The following ADGRL3 variants were observed in gnomAD, a reference collection of about 807,000 sequenced individuals.
ADGRL3 encodes the protein adhesion G protein-coupled receptor L3.
ADGRL3 carries 62 observed loss-of-function variants against 153.5 expected under a neutral mutation model. The ratio of observed to expected loss-of-function variants is 0.40; its 90% CI spans 0.33 to 0.50. The LOEUF is 0.50. Among genes scored for constraint, ADGRL3 ranks in the 20% least tolerant of loss-of-function variants. ADGRL3 has a pLI of 0.47. For synonymous variants in ADGRL3, 710 were observed against 672.5 expected, an observed-to-expected ratio of 1.06 and a Z score of -0.86; for missense variants, 1,641 against 1,859.4, an observed-to-expected ratio of 0.88 and a Z score of 2.16.
chr4:62,020,199 A>T (rs2099231620), intron 21 of ADGRL3, among the ~76,000 whole-genome samples: 1 of 152,194 alleles, frequency 6.6e-6, no homozygotes, highest in Non-Finnish European at 1.5e-5. Flanking sequence ...AGAATATAAC[A>T]GAATTTCACC....
At chr4:61,334,052 A>G (rs987853746) in intron 1 of ADGRL3, among the ~76,000 whole-genome samples, 1 of 151,270 alleles carries the variant, frequency 6.6e-6, no homozygotes, top group Non-Finnish European at 1.5e-5. Flanking sequence ...AAATAGCTGG[A>G]ATTACAGGTG....
At chr4:61,372,727 C>A (rs2096550904) in intron 1 of ADGRL3, among the ~76,000 whole-genome samples, 1 of 152,172 alleles carries the variant, frequency 6.6e-6, no homozygotes. Flanking sequence ...CAGAGGCAGG[C>A]AGGCCTCCTT....
intron 8 of ADGRL3, among the ~76,000 whole-genome samples, chr4:61,736,895 C>T (rs2096524942): frequency 6.6e-6 from 1 of 152,026 alleles, no homozygotes; most frequent in East Asian, 1.9e-4. Context: ...AATTGAAAAG[C>T]TAGTGCTTTA....
intron 1 of ADGRL3, among the ~76,000 whole-genome samples, chr4:61,244,776 A>G (rs1756373247): frequency 6.6e-6 from 1 of 151,978 alleles, no homozygotes; most frequent in African/African-American, 2.4e-5. Context: ...GAAGTAGACA[A>G]ATTGGTCATT....
At chr4:61,971,230 A>T (rs532465535) in intron 17 of ADGRL3, among the ~76,000 whole-genome samples, 3 of 151,956 alleles carry the variant, frequency 2.0e-5, no homozygotes, top group Non-Finnish European at 2.9e-5. Flanking sequence ...ATATGTATAC[A>T]TGTGCCATGC....
intron 1 of ADGRL3, among the ~76,000 whole-genome samples, chr4:61,281,307 AT>A (rs763151984): frequency 1.6e-4 from 25 of 152,184 alleles, no homozygotes; most frequent in Admixed American, 8.5e-4. Flanking sequence ...TGCTGCTATT[AT>A]TTTTTAAAGC....
intron 17 of ADGRL3, among the ~76,000 whole-genome samples, chr4:61,970,058 C>T (rs1581685049): frequency 6.6e-6 from 1 of 152,266 alleles, no homozygotes; most frequent in Non-Finnish European, 1.5e-5. Context: ...TTAATTCTAT[C>T]TCTACTGCAT....
intron 8 of ADGRL3, among the ~76,000 whole-genome samples, chr4:61,765,346 C>T (rs941558598): frequency 7.2e-5 from 11 of 152,062 alleles, no homozygotes; most frequent in African/African-American, 1.5e-4. Flanking sequence ...TATACAGGAG[C>T]TTAAATGGGC....
At chr4:61,352,779 C>T (rs1040381571) in intron 1 of ADGRL3, among the ~76,000 whole-genome samples, 2 of 152,166 alleles carry the variant, frequency 1.3e-5, no homozygotes, top group African/African-American at 2.4e-5. Flanking sequence ...GGAACCTAAC[C>T]TGCAGTATCT....
chr4:61,789,757 T>A (rs556651122), intron 8 of ADGRL3, among the ~76,000 whole-genome samples: 1 of 152,194 alleles, frequency 6.6e-6, no homozygotes, highest in Non-Finnish European at 1.5e-5. Context: ...TTTTCACTTT[T>A]GCCAAAATAT....
chr4:61,290,992 TGTG>T (rs1223515011), intron 1 of ADGRL3, among the ~76,000 whole-genome samples: 7 of 152,200 alleles, frequency 4.6e-5, no homozygotes, highest in Admixed American at 4.6e-4. Context: ...TTAAGTCACT[TGTG>T]GTCACTAGTG....
At chr4:61,921,098 C>T (rs965711739) in intron 13 of ADGRL3, among the ~76,000 whole-genome samples, 4 of 151,818 alleles carry the variant, frequency 2.6e-5, no homozygotes, top group South Asian at 2.1e-4. Flanking sequence ...TGTTCTTCTG[C>T]TTGTTCTGTT....
In ADGRL3 at chr4:61,733,231, A is replaced by G; in HGVS notation, c.1076A>G (p.Asn359Ser). The change falls in exon 8 of 27, where the codon AAC (asparagine) becomes AGC (serine). Residue 359 changes from asparagine (N) to serine (S), a missense_variant. This residue lies in a region of ADGRL3 where 213 missense variants were observed against 362.1 expected (regional missense o/e 0.59). Coordinates refer to ENST00000683033, the MANE Select transcript of ADGRL3 (RefSeq NM_001387552.1). Reference protein sequence around the residue: ...NNGKIVISQLNPYTLRIEGTW... With the variant: ...NNGKIVISQLSPYTLRIEGTW... ...GGTAAAATTGTCATTAGTCAATTGA[A>G]CCCTTACACCCTACGGATCGAAGGA... is the stretch of plus-strand genomic sequence containing the variant. The G allele has an allele frequency of 6.2e-7, 1 of 1,613,636 alleles. No individual in the cohort carries two copies. The highest frequency in any genetic ancestry group is 8.5e-7 in the Non-Finnish European group (1 of 1,179,778).
intron 23 of ADGRL3, 75 bp downstream of exon 23, chr4:62,031,685 A>C (rs1722119070): frequency 3.0e-6 from 3 of 999,568 alleles, no homozygotes; most frequent in Non-Finnish European, 4.4e-6. Flanking sequence ...ACATATTCTA[A>C]TATATTATTC....
At chr4:61,673,810 A>G (rs1456510742) in intron 5 of ADGRL3, among the ~76,000 whole-genome samples, 1 of 151,134 alleles carries the variant, frequency 6.6e-6, no homozygotes, top group Non-Finnish European at 1.5e-5. Flanking sequence ...TTTATAATGA[A>G]CTTTTGATAT....
At chr4:61,778,586 A>T (rs1026919643) in intron 8 of ADGRL3, among the ~76,000 whole-genome samples, 1 of 152,346 alleles carries the variant, frequency 6.6e-6, no homozygotes. Context: ...TTTAAAATTT[A>T]TCCAACTATG....
At chr4:61,983,751 A>G in intron 19 of ADGRL3, 148 bp downstream of exon 19, 1 of 682,416 alleles carries the variant, frequency 1.5e-6, no homozygotes, top group South Asian at 2.2e-5. Context: ...TTTGGTTATG[A>G]TGTAAAAAGA....
chr4:61,931,113 G>A (rs934720287), intron 13 of ADGRL3, among the ~76,000 whole-genome samples: 1 of 152,060 alleles, frequency 6.6e-6, no homozygotes, highest in African/African-American at 2.4e-5. Context: ...ACTTAATTGT[G>A]CTGTCTCACT....
chr4:61,999,128 G>A (rs1270094813), intron 21 of ADGRL3, among the ~76,000 whole-genome samples: 1 of 152,108 alleles, frequency 6.6e-6, no homozygotes, highest in Non-Finnish European at 1.5e-5. Context: ...TAAAAATATG[G>A]CTCTAAGTTT....
Sources: gnomAD v4.1 joint callset for allele counts (sites outside exome capture counted in the v4.1 genomes callset) on GRCh38, gnomAD v4.1.1 for gene constraint, gnomAD v4.1.1 regional missense constraint, MANE v1.5 for transcripts, NCBI Gene and HGNC (gene_info 2026-07-23, HGNC 2026-07-21) for gene names.